ALK: variants seen among roughly 807,000 people sequenced by gnomAD.
The protein encoded by ALK is ALK tyrosine kinase receptor.
ALK carries 74 observed loss-of-function variants against 163.1 expected under a neutral mutation model. That is an observed-to-expected ratio of 0.45 (90% confidence interval 0.38 to 0.55). ALK has a LOEUF of 0.55. Among genes scored for constraint, ALK ranks in the 20% least tolerant of loss-of-function variants. ALK has a pLI of 0.00. For missense variants in ALK, 2,063 were observed against 2,105.3 expected (o/e 0.98, Z 0.39); for synonymous variants, 960 against 843.2 (o/e 1.14, Z -2.40).
At chr2:29,725,360 C>G (rs1384095966) in intron 1 of ALK, among the ~76,000 whole-genome samples, 1 of 152,102 alleles carries the variant, frequency 6.6e-6, no homozygotes, top group Non-Finnish European at 1.5e-5. Flanking sequence ...TCCTTCTCCA[C>G]CCCCTGCTTT....
chr2:29,215,568 ACACAG>A (rs1445044672), intron 23 of ALK, among the ~76,000 whole-genome samples: 1 of 152,208 alleles, frequency 6.6e-6, no homozygotes, highest in Non-Finnish European at 1.5e-5. Context: ...ACCCCAGGTC[ACACAG>A]CTAATAAGCG....
intron 1 of ALK, among the ~76,000 whole-genome samples, chr2:29,747,235 G>A (rs1299601070): frequency 6.6e-6 from 1 of 152,140 alleles, no homozygotes; most frequent in Admixed American, 6.5e-5. Context: ...TCTAATCAGG[G>A]CTTTATTCAC....
intron 9 of ALK, 49 bp from the exon 10 acceptor site, chr2:29,275,545 G>A (rs1665520175): frequency 6.3e-7 from 1 of 1,592,154 alleles, no homozygotes. Context: ...GGGGGGTCTT[G>A]TCTTAGGATT....
intron 1 of ALK, among the ~76,000 whole-genome samples, chr2:29,732,515 C>G (rs371654223): frequency 2.4e-4 from 37 of 152,222 alleles, no homozygotes; most frequent in African/African-American, 8.2e-4. Context: ...TTTAACTCAC[C>G]CTTGGGGTGA....
intron 11 of ALK, among the ~76,000 whole-genome samples, chr2:29,260,867 C>A (rs541577636): frequency 4.6e-5 from 7 of 151,816 alleles, no homozygotes; most frequent in South Asian, 2.1e-4. Context: ...AAAACAACAA[C>A]AAAAAAACGC....
intron 6 of ALK, among the ~76,000 whole-genome samples, chr2:29,326,031 T>C (rs1667248595): frequency 2.6e-5 from 4 of 152,204 alleles, no homozygotes; most frequent in Admixed American, 2.6e-4. Flanking sequence ...ATAACTCTCC[T>C]GAATTGAACT....
At chr2:29,428,833 C>T (rs960079728) in intron 4 of ALK, among the ~76,000 whole-genome samples, 3 of 151,980 alleles carry the variant, frequency 2.0e-5, no homozygotes, top group Non-Finnish European at 4.4e-5. Flanking sequence ...ATCAATATGT[C>T]TCTTATAGAT....
At chr2:29,472,643 C>T (rs545707143) in intron 4 of ALK, among the ~76,000 whole-genome samples, 47 of 152,188 alleles carry the variant, frequency 3.1e-4, no homozygotes, top group African/African-American at 1.1e-3. Flanking sequence ...ATAAAATGAT[C>T]AACTAGAATC....
chr2:29,429,297 G>A lies in ALK; in HGVS notation c.1155-45438C>T, dbSNP rs370496696. ...TAAATAAATAAAAAGCAACCAGACT[G>A]AAAAGAAAGAAGGATAACTATCTCT... is the stretch of plus-strand genomic sequence containing the variant. On this transcript the variant is annotated intron_variant, in intron 4 of 28. Transcript: ENST00000389048. Among the ~76,000 whole-genome samples the A allele has an allele frequency of 2.0e-4, 31 of 151,992 alleles. No homozygotes were observed. The East Asian group carries it at 5.2e-3, about 26-fold the overall frequency.
chr2:29,522,366 G>T (rs931360024), intron 4 of ALK, among the ~76,000 whole-genome samples: 5 of 152,186 alleles, frequency 3.3e-5, no homozygotes, highest in African/African-American at 1.2e-4. Context: ...AGACCAGAGA[G>T]TAAGCATCAA....
At chr2:29,210,562 A>G (rs1417234862) in intron 24 of ALK, among the ~76,000 whole-genome samples, 1 of 152,092 alleles carries the variant, frequency 6.6e-6, no homozygotes, top group Admixed American at 6.6e-5. Context: ...CCTCCCAAGT[A>G]GCTGGGGTTA....
chr2:29,452,738 T>A (rs1346276434), intron 4 of ALK, among the ~76,000 whole-genome samples: 1 of 152,200 alleles, frequency 6.6e-6, no homozygotes, highest in Non-Finnish European at 1.5e-5. Flanking sequence ...AACCGACGAC[T>A]AACATCACCA....
At chr2:29,766,457 A>T (rs1054056903) in intron 1 of ALK, among the ~76,000 whole-genome samples, 15 of 151,540 alleles carry the variant, frequency 9.9e-5, no homozygotes, top group African/African-American at 3.6e-4. Flanking sequence ...TTGAGTATTG[A>T]CTCCCCAGTC....
chr2:29,222,817 A>G (rs1434858369), intron 20 of ALK, among the ~76,000 whole-genome samples: 1 of 152,204 alleles, frequency 6.6e-6, no homozygotes, highest in Non-Finnish European at 1.5e-5. Flanking sequence ...AAGGATTCCA[A>G]CCAGGGACTC....
intron 4 of ALK, among the ~76,000 whole-genome samples, chr2:29,505,322 G>A (rs1672289980): frequency 6.6e-6 from 1 of 152,138 alleles, no homozygotes; most frequent in South Asian, 2.1e-4. Flanking sequence ...AGACTGTTGG[G>A]TCATCAATGG....
chr2:29,565,055 A>G (rs2148185827), intron 3 of ALK, among the ~76,000 whole-genome samples: 1 of 152,332 alleles, frequency 6.6e-6, no homozygotes, highest in Non-Finnish European at 1.5e-5. Flanking sequence ...CCATTTGCCA[A>G]TTGCCTACTC....
At chr2:29,722,488 T>A (rs1679450201) in intron 1 of ALK, among the ~76,000 whole-genome samples, 1 of 152,222 alleles carries the variant, frequency 6.6e-6, no homozygotes, top group Non-Finnish European at 1.5e-5. Flanking sequence ...CTTTTCTTAC[T>A]TGGAAAACCA....
intron 1 of ALK, among the ~76,000 whole-genome samples, chr2:29,869,096 A>G (rs1368108331): frequency 1.3e-5 from 2 of 152,192 alleles, no homozygotes; most frequent in Non-Finnish European, 2.9e-5. Flanking sequence ...AGTCTTCCTC[A>G]GACTCTGTGG....
At chr2:29,765,960 C>T (rs1680851058) in intron 1 of ALK, among the ~76,000 whole-genome samples, 1 of 152,168 alleles carries the variant, frequency 6.6e-6, no homozygotes, top group African/African-American at 2.4e-5. Flanking sequence ...GGCTGCAGTG[C>T]ACCACTGTAA....
Sources: gnomAD v4.1 joint callset for allele counts (sites outside exome capture counted in the v4.1 genomes callset) on GRCh38, gnomAD v4.1.1 for gene constraint, MANE v1.5 for transcripts, NCBI Gene and HGNC (gene_info 2026-07-23, HGNC 2026-07-21) for gene names.